The following BBS9 variants were observed in gnomAD, a reference collection of about 807,000 sequenced individuals.
BBS9 encodes Bardet-Biedl syndrome 9, also known as protein PTHB1.
In BBS9, 89 loss-of-function variants were observed where a neutral mutation model predicts 117.7. The ratio of observed to expected loss-of-function variants is 0.76; its 90% CI spans 0.64 to 0.90. BBS9 has a LOEUF of 0.90. BBS9 is among the 40% of genes least tolerant of loss of function. BBS9 has a pLI of 0.00. For synonymous variants in BBS9, 379 were observed against 370.9 expected (o/e 1.02, Z -0.25); for missense variants, 982 against 1,042.2 (o/e 0.94, Z 0.80).
chr7:33,613,213 G>T (rs1864965788), intron 21 of BBS9, among the ~76,000 whole-genome samples: 1 of 151,982 alleles, frequency 6.6e-6, no homozygotes, highest in Admixed American at 6.6e-5. Flanking sequence ...CAAAGTGGGG[G>T]GCCTGTCCCA....
chr7:33,412,821 T>C (rs558166327), intron 19 of BBS9, among the ~76,000 whole-genome samples: 2 of 152,368 alleles, frequency 1.3e-5, no homozygotes, highest in East Asian at 3.9e-4. Flanking sequence ...ATGTTTTTCA[T>C]GAGCCTGAAT....
intron 7 of BBS9, among the ~76,000 whole-genome samples, chr7:33,270,519 A>T (rs1799617495): frequency 6.6e-6 from 1 of 152,224 alleles, no homozygotes; most frequent in Non-Finnish European, 1.5e-5. Flanking sequence ...GAAAGAACTT[A>T]ACTGGACCTG....
At chr7:33,513,384 T>C (rs983624690) in intron 20 of BBS9, among the ~76,000 whole-genome samples, 4 of 152,186 alleles carry the variant, frequency 2.6e-5, no homozygotes, top group Non-Finnish European at 5.9e-5. Flanking sequence ...TTATTATATG[T>C]ACTTGTCCTA....
intron 21 of BBS9, among the ~76,000 whole-genome samples, chr7:33,574,714 C>CACAG: frequency 6.8e-6 from 1 of 147,410 alleles, no homozygotes; most frequent in East Asian, 2.0e-4. Flanking sequence ...CACACACACA[C>CACAG]ACACACACAC....
intron 19 of BBS9, among the ~76,000 whole-genome samples, chr7:33,411,971 T>A (rs916776500): frequency 1.3e-5 from 2 of 152,180 alleles, no homozygotes; most frequent in African/African-American, 2.4e-5. Flanking sequence ...TGAGGATGAT[T>A]ATTTAAATAT....
intron 19 of BBS9, among the ~76,000 whole-genome samples, chr7:33,403,202 T>A (rs1266880188): frequency 6.6e-6 from 1 of 151,984 alleles, no homozygotes; most frequent in East Asian, 1.9e-4. Context: ...ACCCAGGTAG[T>A]GAACATGGTA....
At position 33,620,428 on chromosome 7, in the gene BBS9, A is replaced by G. The variant is rs567374755; in HGVS notation, c.2522-14749A>G. On this transcript the variant is annotated intron_variant, in intron 21 of 21. Transcript: ENST00000671952. ...GTAAAGTTGCGGGACGAAAATCAACATATAAAAATCTGTAGCATTTCTATA... is the reference window on the plus strand; with the variant it reads ...GTAAAGTTGCGGGACGAAAATCAACGTATAAAAATCTGTAGCATTTCTATA... Among the ~76,000 whole-genome samples the G allele has an allele frequency of 1.4e-4, 22 of 152,202 alleles. No homozygotes were observed. In the South Asian group the frequency reaches 4.4e-3, roughly 30 times the overall value.
chr7:33,465,097 G>C (rs545274808), intron 19 of BBS9, among the ~76,000 whole-genome samples: 55 of 151,938 alleles, frequency 3.6e-4, no homozygotes, highest in African/African-American at 1.3e-3. Context: ...TAATAATTTT[G>C]TTGGTTCTTC....
chr7:33,416,910 T>C (rs529984765), intron 19 of BBS9, among the ~76,000 whole-genome samples: 185 of 152,330 alleles, frequency 1.2e-3, no homozygotes, highest in African/African-American at 4.2e-3. Context: ...TCCTTGATGC[T>C]CCTAGGTTTC....
chr7:33,629,258 C>G (rs1865779575), intron 21 of BBS9, among the ~76,000 whole-genome samples: 1 of 152,186 alleles, frequency 6.6e-6, no homozygotes, highest in South Asian at 2.1e-4. Context: ...AGTTAGTTTC[C>G]AGAGCCAAAG....
At chr7:33,319,644 G>A (rs1299103728) in intron 9 of BBS9, among the ~76,000 whole-genome samples, 1 of 152,040 alleles carries the variant, frequency 6.6e-6, no homozygotes, top group African/African-American at 2.4e-5. Flanking sequence ...CATTAGTGAT[G>A]TTGAATATTT....
chr7:33,565,787 A>G (rs1270689403), intron 21 of BBS9, among the ~76,000 whole-genome samples: 391 of 24,630 alleles, frequency 0.016, 7 homozygotes, highest in East Asian at 0.048. Context: ...AGTAGTATAT[A>G]TATATATATA....
chr7:33,624,233 A>G (rs975056792), intron 21 of BBS9, among the ~76,000 whole-genome samples: 2 of 152,164 alleles, frequency 1.3e-5, no homozygotes, highest in African/African-American at 4.8e-5. Context: ...GTAAAATTAT[A>G]TATAATACTA....
chr7:33,489,293 C>T (rs1843570050), intron 19 of BBS9, among the ~76,000 whole-genome samples: 1 of 148,816 alleles, frequency 6.7e-6, no homozygotes, highest in Non-Finnish European at 1.5e-5. Context: ...TGCACCCGGC[C>T]AGGACAGACT....
chr7:33,495,323 G>T (rs1464711837), intron 19 of BBS9, among the ~76,000 whole-genome samples: 1 of 152,136 alleles, frequency 6.6e-6, no homozygotes, highest in Non-Finnish European at 1.5e-5. Context: ...TTAGGACACC[G>T]CCAACTGCCC....
At chr7:33,463,875 A>G (rs1369839045) in intron 19 of BBS9, among the ~76,000 whole-genome samples, 1 of 152,054 alleles carries the variant, frequency 6.6e-6, no homozygotes, top group Admixed American at 6.6e-5. Flanking sequence ...TTTATGTTTT[A>G]TGTGGGTATA....
At chr7:33,170,554 G>A (rs1287032511) in intron 4 of BBS9, among the ~76,000 whole-genome samples, 1 of 149,946 alleles carries the variant, frequency 6.7e-6, no homozygotes, top group Admixed American at 6.7e-5. Context: ...AGACAGGGAT[G>A]CCCTCTCTCA....
intron 5 of BBS9, among the ~76,000 whole-genome samples, chr7:33,189,658 G>T (rs967347969): frequency 2.7e-5 from 4 of 150,598 alleles, no homozygotes; most frequent in East Asian, 2.0e-4. Context: ...GAGGCTGAGG[G>T]GGGCGGATCA....
chr7:33,546,196 G>T (rs1038369947), intron 21 of BBS9, among the ~76,000 whole-genome samples: 1 of 152,036 alleles, frequency 6.6e-6, no homozygotes, highest in Admixed American at 6.6e-5. Flanking sequence ...GCCTCCCAAA[G>T]TGCTGGGATT....
Sources: gnomAD v4.1 joint callset for allele counts (sites outside exome capture counted in the v4.1 genomes callset) on GRCh38, gnomAD v4.1.1 for gene constraint, MANE v1.5 for transcripts, NCBI Gene and HGNC (gene_info 2026-07-23, HGNC 2026-07-21) for gene names.